The following LINGO2 variants were observed in gnomAD, a reference collection of about 807,000 sequenced individuals.
LINGO2 encodes leucine-rich repeat and immunoglobulin-like domain-containing nogo receptor-interacting protein 2.
A neutral mutation model predicts 30.6 loss-of-function variants in LINGO2; 14 were observed. That is an observed-to-expected ratio of 0.46 (90% CI 0.30 to 0.72). The LOEUF (loss-of-function observed/expected upper bound fraction) is 0.72, where lower values mean the gene tolerates loss of function less well. LINGO2 is among the 30% of genes least tolerant of loss of function. The probability of loss-of-function intolerance (pLI) is 0.07; values close to 1 mark genes in which losing one functional copy is unlikely to be tolerated. For synonymous variants in LINGO2, 317 were observed against 288.5 expected, an observed-to-expected ratio of 1.10 and a Z score of -1.00; for missense variants, 729 against 751.7, an observed-to-expected ratio of 0.97 and a Z score of 0.35.
chr9:28,305,030 T>C (rs1824290247), intron 3 of LINGO2, among the ~76,000 whole-genome samples: 1 of 151,998 alleles, frequency 6.6e-6, no homozygotes, highest in Non-Finnish European at 1.5e-5. Context: ...AGAGCAACTT[T>C]ACAATAAAGA....
At chr9:28,183,502 C>CT (rs1229094848) in intron 4 of LINGO2, among the ~76,000 whole-genome samples, 2 of 151,994 alleles carry the variant, frequency 1.3e-5, no homozygotes, top group East Asian at 1.9e-4. Context: ...AGTTCACTGC[C>CT]TTTTTTTGTA....
At chr9:28,643,346 A>G (rs529941988) in intron 1 of LINGO2, among the ~76,000 whole-genome samples, 1 of 152,212 alleles carries the variant, frequency 6.6e-6, no homozygotes, top group Admixed American at 6.5e-5. Context: ...ACAGACACAT[A>G]GACCAACGGA....
chr9:27,998,722 A>G (rs887029420), intron 5 of LINGO2, among the ~76,000 whole-genome samples: 4 of 152,298 alleles, frequency 2.6e-5, no homozygotes, highest in Admixed American at 6.5e-5. Context: ...TGGAGGTTGC[A>G]GTGAGCTGAG....
intron 4 of LINGO2, among the ~76,000 whole-genome samples, chr9:28,241,146 G>C (rs1276789649): frequency 6.6e-6 from 1 of 151,534 alleles, no homozygotes; most frequent in Non-Finnish European, 1.5e-5. Context: ...GTGTGCGCCT[G>C]TAATCCCAGC....
intron 4 of LINGO2, among the ~76,000 whole-genome samples, chr9:28,061,140 CA>C (rs1825131398): frequency 6.7e-6 from 1 of 150,044 alleles, no homozygotes; most frequent in African/African-American, 2.5e-5. Context: ...ATAAGCTCTG[CA>C]TTCTTTCTGG....
chr9:28,877,891 A>G, the LINGO2 span, among the ~76,000 whole-genome samples: 1 of 152,182 alleles, frequency 6.6e-6, no homozygotes, highest in Non-Finnish European at 1.5e-5. Flanking sequence ...TGAGCATGGA[A>G]TGTTCTTCCA....
At chr9:28,761,442 T>C in the LINGO2 span, among the ~76,000 whole-genome samples, 2 of 150,728 alleles carry the variant, frequency 1.3e-5, no homozygotes, top group Admixed American at 6.6e-5. Context: ...GCTTAAAGTT[T>C]GATAGAAAAA....
chr9:28,110,656 C>A (rs1180430196), intron 4 of LINGO2, among the ~76,000 whole-genome samples: 1 of 152,128 alleles, frequency 6.6e-6, no homozygotes, highest in Non-Finnish European at 1.5e-5. Flanking sequence ...CACTGACCAT[C>A]AGAGAAATGC....
At chr9:28,763,113 ATC>A in the LINGO2 span, among the ~76,000 whole-genome samples, 1 of 152,046 alleles carries the variant, frequency 6.6e-6, no homozygotes. Context: ...TTTCAATGAT[ATC>A]CCAATCACAA....
At position 28,327,221 on chromosome 9, in the gene LINGO2, G is replaced by A. The variant is rs558666804; in HGVS notation, c.-245-31855C>T. ...TGGACTTCCCAGCTTCAAGAACTGT[G>A]AGCAATAAATTACTATTGTTTATAG... is the stretch of plus-strand genomic sequence containing the variant. On this transcript the variant is annotated intron_variant, in intron 3 of 5. Coordinates refer to ENST00000379992, the Ensembl canonical transcript of LINGO2. 7.2e-5 allele frequency among the ~76,000 whole-genome samples: 11 copies of A among 152,258 alleles called. No individual in the cohort carries two copies. In the South Asian group the frequency reaches 2.3e-3, roughly 32 times the overall value.
intron 4 of LINGO2, among the ~76,000 whole-genome samples, chr9:28,234,881 TA>T (rs1425341692): frequency 6.7e-6 from 1 of 150,008 alleles, no homozygotes; most frequent in Non-Finnish European, 1.5e-5. Flanking sequence ...TATACACCAC[TA>T]CTTCTGTCCC....
At chr9:28,204,367 T>C (rs1820340785) in intron 4 of LINGO2, among the ~76,000 whole-genome samples, 1 of 152,228 alleles carries the variant, frequency 6.6e-6, no homozygotes, top group Non-Finnish European at 1.5e-5. Flanking sequence ...TTATTATGTT[T>C]GAATTTTAAC....
chr9:28,336,224 T>C (rs1231330794), intron 3 of LINGO2, among the ~76,000 whole-genome samples: 1 of 152,128 alleles, frequency 6.6e-6, no homozygotes, highest in African/African-American at 2.4e-5. Flanking sequence ...ATATATTCTT[T>C]AGAAAGATGT....
At chr9:28,722,288 T>C in the LINGO2 span, among the ~76,000 whole-genome samples, 1 of 152,090 alleles carries the variant, frequency 6.6e-6, no homozygotes, top group East Asian at 1.9e-4. Flanking sequence ...ATCCCTTCCT[T>C]TGGGATACTG....
chr9:29,001,313 G>A, the LINGO2 span, among the ~76,000 whole-genome samples: 1 of 151,856 alleles, frequency 6.6e-6, no homozygotes, highest in African/African-American at 2.4e-5. Context: ...CCCTCCTGTG[G>A]CTAAACACAC....
intron 3 of LINGO2, among the ~76,000 whole-genome samples, chr9:28,355,990 A>G (rs1039126291): frequency 2.6e-5 from 4 of 152,166 alleles, no homozygotes; most frequent in African/African-American, 9.7e-5. Flanking sequence ...AGGATGTTAC[A>G]ATGACACTTA....
the LINGO2 span, among the ~76,000 whole-genome samples, chr9:29,155,088 C>A: frequency 6.6e-6 from 1 of 152,264 alleles, no homozygotes; most frequent in East Asian, 1.9e-4. Context: ...TAGGGACTTG[C>A]ATACAATATT....
chr9:29,204,274 C>A, the LINGO2 span, among the ~76,000 whole-genome samples: 912 of 152,278 alleles, frequency 6.0e-3, 8 homozygotes, highest in African/African-American at 0.021. Context: ...GAACCAGACA[C>A]CTCTTAGGAA....
chr9:28,789,752 A>G, the LINGO2 span, among the ~76,000 whole-genome samples: 5 of 152,226 alleles, frequency 3.3e-5, no homozygotes, highest in Non-Finnish European at 7.3e-5. Flanking sequence ...GAGGTGAGAA[A>G]GCATCCATGT....
Sources: allele counts gnomAD v4.1 joint callset (sites outside exome capture counted in the v4.1 genomes callset), GRCh38; gene constraint gnomAD v4.1.1; transcripts MANE v1.5; gene names NCBI Gene and HGNC (gene_info 2026-07-23, HGNC 2026-07-21).